Variants in CNIH3 observed in about 807,000 individuals in gnomAD.
CNIH3 encodes protein cornichon homolog 3.
Under a neutral mutation model 24.1 loss-of-function variants are expected in CNIH3, and 14 were observed. That is an observed-to-expected ratio of 0.58 (90% CI 0.38 to 0.91). The LOEUF (loss-of-function observed/expected upper bound fraction) is 0.91. Ranked by LOEUF, CNIH3 falls within the 40% of genes least tolerant of loss-of-function variation. The pLI, the probability that CNIH3 is intolerant of heterozygous loss-of-function variation, is 0.00. For missense variants in CNIH3, 178 were observed against 196.8 expected (o/e 0.90, Z 0.57); for synonymous variants, 68 against 73.8 (o/e 0.92, Z 0.40).
At position 224,703,796 on chromosome 1, in the gene CNIH3, ACT is replaced by A. The variant is rs1558312381; in HGVS notation, c.198+18956_198+18957del. 6.6e-6 allele frequency among the ~76,000 whole-genome samples: 1 copy of A among 151,926 alleles called. No homozygotes were observed. The highest frequency in any genetic ancestry group is 1.5e-5 in the Non-Finnish European group (1 of 67,978). The stretch of plus-strand genomic sequence containing the variant: ...TTCCTGGTTCTGCAGGATTCTGTTG[ACT>A]CTGTTAGCCCCATCACCCACTGCCA... On this transcript the variant is annotated intron_variant, in intron 3 of 5. Transcript: ENST00000272133. The surrounding 1 kb of genome is among the most constrained non-coding windows in gnomAD (Gnocchi z 4.2).
chr1:224,690,605 G>A (rs991873129), intron 3 of CNIH3, among the ~76,000 whole-genome samples: 2 of 152,202 alleles, frequency 1.3e-5, no homozygotes, highest in East Asian at 3.8e-4. Flanking sequence ...TGTCCCTTCT[G>A]GCTTGACAAT....
intron 1 of CNIH3, among the ~76,000 whole-genome samples, chr1:224,496,257 A>G (rs1017476873): frequency 6.6e-6 from 1 of 152,122 alleles, no homozygotes; most frequent in African/African-American, 2.4e-5. Flanking sequence ...GGAGGGTCTA[A>G]TTGATCCATT....
intron 2 of CNIH3, 79 bp downstream of exon 2, chr1:224,681,105 A>G: frequency 8.7e-7 from 1 of 1,143,782 alleles, no homozygotes; most frequent in South Asian, 1.2e-5. Context: ...TGAGAATGTG[A>G]ATGATTTGAA....
chr1:224,625,317 A>G (rs2125070307), intron 1 of CNIH3, among the ~76,000 whole-genome samples: 1 of 152,278 alleles, frequency 6.6e-6, no homozygotes, highest in East Asian at 1.9e-4. Flanking sequence ...TGGGAGGCCT[A>G]GGCGGGCGGA....
intron 4 of CNIH3, among the ~76,000 whole-genome samples, chr1:224,572,977 C>G (rs1174017022): frequency 1.3e-5 from 2 of 152,088 alleles, no homozygotes; most frequent in Non-Finnish European, 2.9e-5. Flanking sequence ...CCAAAACTGA[C>G]TAATACAGAA....
intron 4 of CNIH3, among the ~76,000 whole-genome samples, chr1:224,571,175 C>T (rs1418651220): frequency 6.6e-6 from 1 of 152,220 alleles, no homozygotes; most frequent in African/African-American, 2.4e-5. Flanking sequence ...TTGCACTTCT[C>T]TGTAAACTTT....
At position 224,703,821 on chromosome 1, in the gene CNIH3, C is replaced by T. The variant is rs1427442876; in HGVS notation, c.198+18978C>T. Among the ~76,000 whole-genome samples, 1 of 152,230 alleles carries T rather than the reference C, an allele frequency of 6.6e-6. No individual in the cohort carries two copies. The highest frequency in any genetic ancestry group is 1.5e-5 in the Non-Finnish European group (1 of 68,038). On this transcript the variant is annotated intron_variant, in intron 3 of 5. Coordinates refer to ENST00000272133, the MANE Select transcript of CNIH3 (RefSeq NM_152495.2). The surrounding 1 kb of genome is among the most constrained non-coding windows in gnomAD (Gnocchi z 4.2). ...ACTCTGTTAGCCCCATCACCCACTGCCAGCTCATTCAGCCCGCAGCAGGTA... is the reference window on the plus strand; with the variant it reads ...ACTCTGTTAGCCCCATCACCCACTGTCAGCTCATTCAGCCCGCAGCAGGTA...
exon 2 of CNIH3, chr1:224,521,295 C>G (rs765136582): frequency 6.6e-6 from 1 of 152,032 alleles, no homozygotes; most frequent in Admixed American, 6.6e-5. Flanking sequence ...GCCAAGCAAG[C>G]GAAATTGAGA....
At chr1:224,666,859 C>G (rs1685620286) in intron 1 of CNIH3, among the ~76,000 whole-genome samples, 1 of 152,200 alleles carries the variant, frequency 6.6e-6, no homozygotes, top group Non-Finnish European at 1.5e-5. Context: ...TGGGCTACCC[C>G]AAATGTTTGC....
At chr1:224,550,299 T>C (rs1679862567) in intron 3 of CNIH3, among the ~76,000 whole-genome samples, 1 of 152,208 alleles carries the variant, frequency 6.6e-6, no homozygotes, top group African/African-American at 2.4e-5. Context: ...CACTGAATAG[T>C]ATGGAAATAT....
chr1:224,662,545 A>G (rs1410900156), intron 1 of CNIH3, among the ~76,000 whole-genome samples: 1 of 152,252 alleles, frequency 6.6e-6, no homozygotes, highest in East Asian at 1.9e-4. Flanking sequence ...ACAAATATAA[A>G]ACCCAGAAAA....
At chr1:224,602,743 C>A (rs927469105) in intron 3 of CNIH3, among the ~76,000 whole-genome samples, 4 of 152,162 alleles carry the variant, frequency 2.6e-5, no homozygotes, top group Non-Finnish European at 5.9e-5. Context: ...TCAACAAAAA[C>A]CAGTATATTT....
chr1:224,505,614 C>G (rs1276809373), intron 1 of CNIH3, among the ~76,000 whole-genome samples: 1 of 152,130 alleles, frequency 6.6e-6, no homozygotes, highest in Non-Finnish European at 1.5e-5. Flanking sequence ...CACAAGAAAA[C>G]TAGGGCTCAA....
intron 3 of CNIH3, among the ~76,000 whole-genome samples, chr1:224,705,434 C>T (rs1291045353): frequency 2.0e-5 from 3 of 152,232 alleles, no homozygotes. Context: ...GCCCTGGCCC[C>T]TTTCCACAGT....
intron 2 of CNIH3, among the ~76,000 whole-genome samples, chr1:224,534,967 A>G (rs1380538072): frequency 1.3e-5 from 2 of 152,192 alleles, no homozygotes; most frequent in Non-Finnish European, 2.9e-5. Context: ...CAGCCTCTTC[A>G]GAAACACCAG....
intron 4 of CNIH3, among the ~76,000 whole-genome samples, chr1:224,577,092 C>A (rs1681066399): frequency 6.6e-6 from 1 of 152,108 alleles, no homozygotes; most frequent in Non-Finnish European, 1.5e-5. Flanking sequence ...AAATCTAATA[C>A]CTGAAGTCAC....
intron 1 of CNIH3, among the ~76,000 whole-genome samples, chr1:224,660,463 T>C (rs1231759380): frequency 6.6e-6 from 1 of 152,216 alleles, no homozygotes; most frequent in Non-Finnish European, 1.5e-5. Context: ...AACAAAATTA[T>C]TATTTTTCTC....
chr1:224,560,619 T>C (rs1344279611), intron 3 of CNIH3, among the ~76,000 whole-genome samples: 1 of 151,854 alleles, frequency 6.6e-6, no homozygotes, highest in African/African-American at 2.4e-5. Flanking sequence ...ATGCAAGAGA[T>C]CTAGGTTACA....
At chr1:224,675,395 A>G (rs1686089492) in intron 1 of CNIH3, among the ~76,000 whole-genome samples, 1 of 152,234 alleles carries the variant, frequency 6.6e-6, no homozygotes, top group African/African-American at 2.4e-5. Context: ...CTGTGATCTT[A>G]GAAGTTCTTA....
Sources: gnomAD v4.1 joint callset for allele counts (sites outside exome capture counted in the v4.1 genomes callset) on GRCh38, gnomAD v4.1.1 for gene constraint, Gnocchi (gnomAD v3.1) non-coding constraint, MANE v1.5 for transcripts, NCBI Gene and HGNC (gene_info 2026-07-23, HGNC 2026-07-21) for gene names.